Variants in TGS1 observed in about 807,000 individuals in gnomAD.
TGS1 encodes the protein trimethylguanosine synthase.
Under a neutral mutation model 92.2 loss-of-function variants are expected in TGS1, and 69 were observed. The observed-to-expected ratio is 0.75, with a 90% CI of 0.62 to 0.91. The LOEUF (loss-of-function observed/expected upper bound fraction) is 0.91. TGS1 is among the 40% of genes least tolerant of loss of function. The probability of loss-of-function intolerance (pLI) is 0.00; values close to 1 mark genes in which losing one functional copy is unlikely to be tolerated. For synonymous variants in TGS1, 345 were observed against 338.1 expected, an observed-to-expected ratio of 1.02 and a Z score of -0.22; for missense variants, 1,062 against 1,001.2, an observed-to-expected ratio of 1.06 and a Z score of -0.82.
chr8:55,796,260 G>T (rs1369795247), intron 7 of TGS1, 108 bp downstream of exon 7: 1 of 849,882 alleles, frequency 1.2e-6, no homozygotes, highest in Non-Finnish European at 1.8e-6. Flanking sequence ...CAGGTATCAA[G>T]GTACATAATT....
intron 2 of TGS1, among the ~76,000 whole-genome samples, chr8:55,784,249 A>T (rs1453779834): frequency 2.0e-5 from 3 of 152,248 alleles, no homozygotes; most frequent in Non-Finnish European, 1.5e-5. Flanking sequence ...ACTATTAGAT[A>T]ACCATATTGG....
rs1057289364 is a variant in TGS1, at chr8:55,799,195, A to C, written c.1824A>C (p.Pro608=). The change falls in exon 8 of 13, where the codon CCA becomes CCC. Residue 608 remains proline (P), a synonymous_variant. Transcript: ENST00000260129. ...DEQDCVTQEV[P]DSRQAETEAE... ...AGGATTGTGTTACTCAAGAAGTGCCAGACTCCCGCCAGGCAGAAACTGAAG... is the reference window on the plus strand; with the variant it reads ...AGGATTGTGTTACTCAAGAAGTGCCCGACTCCCGCCAGGCAGAAACTGAAG... The C allele has an allele frequency of 1.8e-5, 29 of 1,611,966 alleles. No homozygotes were observed. The highest frequency in any genetic ancestry group is 2.4e-5 in the Non-Finnish European group (28 of 1,179,076).
intron 10 of TGS1, among the ~76,000 whole-genome samples, chr8:55,806,261 C>CA (rs1563464625): frequency 7.1e-6 from 1 of 140,030 alleles, no homozygotes; most frequent in Non-Finnish European, 1.5e-5. Context: ...GAGGCTGAGA[C>CA]AAGAGAATCG....
At position 55,821,703 on chromosome 8, in the gene TGS1, C is replaced by T. The variant is rs1803640675; in HGVS notation, c.2440-2878C>T. Among the ~76,000 whole-genome samples the T allele has an allele frequency of 2.0e-5, 3 of 152,056 alleles. No homozygotes were observed. In the South Asian group the frequency reaches 6.2e-4, roughly 32 times the overall value. On this transcript the variant is annotated intron_variant, in intron 12 of 12. Transcript: ENST00000260129. Reference sequence around the variant, plus strand: ...CCTGGCTAACACGGTGAAACCCTGTCTCTACTAAAAATACAAAAAATTAGC... The same window carrying T: ...CCTGGCTAACACGGTGAAACCCTGTTTCTACTAAAAATACAAAAAATTAGC...
At chr8:55,807,333 C>T (rs1023903259) in intron 10 of TGS1, among the ~76,000 whole-genome samples, 1 of 152,036 alleles carries the variant, frequency 6.6e-6, no homozygotes, top group Admixed American at 6.6e-5. Flanking sequence ...ATTACCTCAT[C>T]GTCATATAAT....
At chr8:55,821,028 T>TC (rs1179926505) in intron 12 of TGS1, among the ~76,000 whole-genome samples, 1 of 152,216 alleles carries the variant, frequency 6.6e-6, no homozygotes, top group Non-Finnish European at 1.5e-5. Context: ...TATAAGTCTT[T>TC]CCAACTCCAA....
In TGS1 at chr8:55,790,293, A is replaced by G; in HGVS notation, c.1274A>G (p.Lys425Arg). ...CCTGAGCATAAGCCAAGCAAACTGA[A>G]GAGGAGGTAAGTTACATGAGACCCC... ...DPPEHKPSKLKRSHELDIDEN... is the reference protein window; with the variant it reads ...DPPEHKPSKLRRSHELDIDEN... Residue 425 changes from lysine (K) to arginine (R), a missense_variant, in exon 5 of 13, where the codon AAG becomes AGG. By Grantham distance (26) the Lys-to-Arg change is conservative (BLOSUM62 2). Coordinates refer to ENST00000260129, the MANE Select transcript of TGS1 (RefSeq NM_024831.8). 6.2e-7 allele frequency: 1 copy of G among 1,610,918 alleles called. No individual in the cohort carries two copies. The highest frequency in any genetic ancestry group is 8.5e-7 in the Non-Finnish European group (1 of 1,177,130).
At chr8:55,780,013 C>T (rs1193118878) in intron 1 of TGS1, among the ~76,000 whole-genome samples, 1 of 151,836 alleles carries the variant, frequency 6.6e-6, no homozygotes, top group Non-Finnish European at 1.5e-5. Flanking sequence ...CACACTACCA[C>T]ACCCAGCTAA....
chr8:55,820,333 G>A (rs970846810), intron 12 of TGS1, among the ~76,000 whole-genome samples: 1 of 152,126 alleles, frequency 6.6e-6, no homozygotes, highest in Non-Finnish European at 1.5e-5. Flanking sequence ...GATCACCTGA[G>A]GTCAGGAGTT....
At chr8:55,802,743 G>A (rs1246101747) in intron 9 of TGS1, 137 bp downstream of exon 9, 22 of 776,228 alleles carry the variant, frequency 2.8e-5, no homozygotes, top group South Asian at 1.0e-4. Context: ...CCCCGTTTAC[G>A]TTCTCATTCT....
chr8:55,776,438 G>A (rs957881398), intron 1 of TGS1, among the ~76,000 whole-genome samples: 2 of 152,012 alleles, frequency 1.3e-5, no homozygotes, highest in Non-Finnish European at 2.9e-5. Context: ...CCGCCACAAT[G>A]TCCAGCTAAT....
intron 12 of TGS1, among the ~76,000 whole-genome samples, chr8:55,816,795 A>T (rs1803489799): frequency 1.3e-5 from 2 of 152,184 alleles, no homozygotes; most frequent in African/African-American, 4.8e-5. Context: ...AAATTAACTA[A>T]TACTTAAATA....
chr8:55,785,906 A>T lies in TGS1; in HGVS notation c.339+15A>T. The T allele has an allele frequency of 6.4e-7, 1 of 1,571,674 alleles. No individual in the cohort carries two copies. Among genetic ancestry groups the T allele is most frequent in the Middle Eastern group, 1.7e-4 (1 of 5,902 alleles). On this transcript the variant is annotated intron_variant, in intron 3 of 12. Coordinates refer to ENST00000260129, the MANE Select transcript of TGS1 (RefSeq NM_024831.8). ...AGGATTTTGAGGTAAATATTAATTT[A>T]CTTTTATTATTTCTCTCTCTTCGTT... is the stretch of plus-strand genomic sequence containing the variant.
rs1812142479 is a variant in TGS1, at chr8:55,799,090, T to A, written c.1719T>A (p.Cys573Ter). 1 of 1,614,012 alleles carries A rather than the reference T, an allele frequency of 6.2e-7. No individual in the cohort carries two copies. Among genetic ancestry groups the A allele is most frequent in the African/African-American group, 1.3e-5 (1 of 74,910 alleles). ...LETNNPEPEKCQSVSSAGELE... is the reference protein window; with the variant it reads ...LETNNPEPEK ...CTAATAATCCAGAACCTGAAAAGTG[T>A]CAGAGCGTATCTTCAGCTGGTGAAC... The change falls in exon 8 of 13, where the codon TGT becomes TGA. Residue 573 changes from cysteine to a stop codon, truncating the protein, a stop_gained. Transcript: ENST00000260129. LOFTEE classifies it high-confidence loss of function.
chr8:55,821,173 T>C (rs1803625100), intron 12 of TGS1, among the ~76,000 whole-genome samples: 1 of 152,200 alleles, frequency 6.6e-6, no homozygotes, highest in Non-Finnish European at 1.5e-5. Flanking sequence ...TTCTAAACAC[T>C]AAGTACATAA....
Position 55,824,804 on chromosome 8 carries a change from G to A in TGS1, c.*101G>A. 2 of 1,365,320 alleles carry A rather than the reference G, an allele frequency of 1.5e-6. No homozygotes were observed. Among genetic ancestry groups the A allele is most frequent in the South Asian group, 1.4e-5 (1 of 71,528 alleles). 84.6% of individuals were successfully genotyped at this position (1,365,320 alleles called of 1,614,324 possible). Reference sequence around the variant, plus strand: ...TATTCACTGATATTTTCTACCCATGGTCTTATATCACCGTATGAAATGGAA... The same window carrying A: ...TATTCACTGATATTTTCTACCCATGATCTTATATCACCGTATGAAATGGAA... On this transcript the variant is annotated 3_prime_UTR_variant, in exon 13 of 13. Transcript: ENST00000260129.
At chr8:55,793,202 TAAAAC>T (rs1257528742) in intron 6 of TGS1, among the ~76,000 whole-genome samples, 1 of 152,226 alleles carries the variant, frequency 6.6e-6, no homozygotes, top group East Asian at 1.9e-4. Flanking sequence ...AGAGTAAAAT[TAAAAC>T]AAACCAAATA....
At chr8:55,801,781 A>C (rs556773137) in intron 8 of TGS1, among the ~76,000 whole-genome samples, 1 of 146,534 alleles carries the variant, frequency 6.8e-6, no homozygotes, top group Non-Finnish European at 1.5e-5. Context: ...TAGAGATGGG[A>C]TTTCACCATG....
At chr8:55,817,710 C>G (rs1306089640) in intron 12 of TGS1, among the ~76,000 whole-genome samples, 1 of 152,000 alleles carries the variant, frequency 6.6e-6, no homozygotes. Flanking sequence ...GAACATTAGT[C>G]CAGGTTTAGG....
Sources: allele counts gnomAD v4.1 joint callset (sites outside exome capture counted in the v4.1 genomes callset), GRCh38; gene constraint gnomAD v4.1.1; transcripts MANE v1.5; gene names NCBI Gene and HGNC (gene_info 2026-07-23, HGNC 2026-07-21).